The following XKR6 variants were observed in gnomAD, a reference collection of about 807,000 sequenced individuals.
XKR6 encodes XK-related protein 6.
XKR6 carries 22 observed loss-of-function variants against 56.7 expected under a neutral mutation model. The observed-to-expected ratio is 0.39, with a 90% confidence interval of 0.28 to 0.55. XKR6 has a LOEUF of 0.55. XKR6 is among the 20% of genes least tolerant of loss of function. XKR6 has a pLI of 0.66. For missense variants in XKR6, 852 were observed against 889.0 expected (o/e 0.96, Z 0.53); for synonymous variants, 524 against 387.8 (o/e 1.35, Z -4.13).
At chr8:11,166,129 G>C (rs888148605) in intron 1 of XKR6, among the ~76,000 whole-genome samples, 1 of 151,864 alleles carries the variant, frequency 6.6e-6, no homozygotes, top group East Asian at 1.9e-4. Flanking sequence ...GCTAATTTTT[G>C]TATTTTTTGC....
At chr8:11,055,916 T>C (rs1014483272) in intron 1 of XKR6, among the ~76,000 whole-genome samples, 3 of 152,140 alleles carry the variant, frequency 2.0e-5, no homozygotes, top group Non-Finnish European at 2.9e-5. Context: ...CCCCGCTCCA[T>C]ACACTTTGTG....
intron 1 of XKR6, among the ~76,000 whole-genome samples, chr8:11,000,079 T>C (rs184157479): frequency 6.6e-6 from 1 of 152,140 alleles, no homozygotes; most frequent in African/African-American, 2.4e-5. Context: ...AACACACTCA[T>C]GTTAAAGACA....
chr8:10,898,253 G>C lies in XKR6; in HGVS notation c.1625C>G (p.Thr542Arg). Reference protein sequence around the residue: ...EIPGYRGTQVTPTRAVTEQQE... With the variant: ...EIPGYRGTQVRPTRAVTEQQE... ...TTGTTCCGTTACGGCTCTGGTGGGC[G>C]TAACCTGGGTCCCCCGGTACCCAGG... is the stretch of plus-strand genomic sequence containing the variant. Residue 542 changes from threonine to arginine, a missense_variant, in exon 3 of 3, where the codon ACG becomes AGG. Transcript: ENST00000416569. The surrounding 1 kb of genome is among the most constrained non-coding windows in gnomAD (Gnocchi z 6.6). 2 of 1,614,138 alleles carry C rather than the reference G, an allele frequency of 1.2e-6. No homozygotes were observed. The highest frequency in any genetic ancestry group is 8.5e-7 in the Non-Finnish European group (1 of 1,180,012).
intron 1 of XKR6, chr8:11,137,631 G>T (rs980092399): frequency 1.1e-5 from 5 of 456,130 alleles, no homozygotes; most frequent in Middle Eastern, 3.2e-4. Flanking sequence ...AGGAGACAAT[G>T]AATGGAAACA....
At chr8:11,090,211 C>T (rs1467039948) in intron 1 of XKR6, among the ~76,000 whole-genome samples, 4 of 152,166 alleles carry the variant, frequency 2.6e-5, no homozygotes, top group Admixed American at 6.5e-5. Context: ...CGGCCTCTCA[C>T]GTAGCTGAGA....
intron 1 of XKR6, among the ~76,000 whole-genome samples, chr8:11,113,172 G>T (rs1004082483): frequency 6.6e-5 from 10 of 152,134 alleles, no homozygotes; most frequent in African/African-American, 2.4e-4. Flanking sequence ...TATTAATGCT[G>T]TTACATGTAG....
In XKR6 at chr8:11,000,212, A is replaced by T. The variant is rs181987734; in HGVS notation, c.765-75382T>A. ...TCCTTCTACTCATTCTAGGTGGTGA[A>T]CCTAGAAGCTCCTTCAAAGCTAGAA... is the stretch of plus-strand genomic sequence containing the variant. On this transcript the variant is annotated intron_variant, in intron 1 of 2. Transcript: ENST00000416569. Among the ~76,000 whole-genome samples, 257 of 152,278 alleles carry T rather than the reference A, an allele frequency of 1.7e-3. 2 individuals are homozygous for T. The highest frequency in any genetic ancestry group is 3.4e-4 in the Non-Finnish European group (23 of 68,014).
chr8:10,971,407 C>G (rs912031402), intron 1 of XKR6, among the ~76,000 whole-genome samples: 1 of 151,728 alleles, frequency 6.6e-6, no homozygotes, highest in African/African-American at 2.4e-5. Context: ...GGTGACAGAG[C>G]GAGACTCCAT....
intron 2 of XKR6, among the ~76,000 whole-genome samples, chr8:10,903,435 G>A (rs1443280696): frequency 6.6e-6 from 1 of 152,150 alleles, no homozygotes; most frequent in African/African-American, 2.4e-5. Context: ...GGAGAACTTG[G>A]CAGGATTCAC....
chr8:11,020,169 T>C (rs985187470), intron 1 of XKR6, among the ~76,000 whole-genome samples: 15 of 151,386 alleles, frequency 9.9e-5, no homozygotes, highest in Admixed American at 2.6e-4. Context: ...AGGGCAGGCA[T>C]AGGATGAGGG....
intron 1 of XKR6, among the ~76,000 whole-genome samples, chr8:11,153,213 G>T (rs1247196066): frequency 6.6e-6 from 1 of 152,156 alleles, no homozygotes; most frequent in Non-Finnish European, 1.5e-5. Context: ...CAATCTTAAT[G>T]GTTCCTTCAG....
chr8:10,906,705 A>T (rs545837593), intron 2 of XKR6, among the ~76,000 whole-genome samples: 5 of 152,280 alleles, frequency 3.3e-5, no homozygotes, highest in Non-Finnish European at 7.3e-5. Context: ...GAGTCACTTT[A>T]ATGCATCTCT....
intron 1 of XKR6, among the ~76,000 whole-genome samples, chr8:10,947,421 C>T (rs1170669119): frequency 6.6e-6 from 1 of 152,100 alleles, no homozygotes; most frequent in Non-Finnish European, 1.5e-5. Context: ...TGAGGAAGCA[C>T]AGATGGCAAA....
At chr8:10,904,652 C>T (rs558369807) in intron 2 of XKR6, among the ~76,000 whole-genome samples, 3 of 152,170 alleles carry the variant, frequency 2.0e-5, no homozygotes, top group African/African-American at 4.8e-5. Flanking sequence ...CCGGGATGGG[C>T]CAGGGTGGAG....
intron 1 of XKR6, among the ~76,000 whole-genome samples, chr8:10,990,312 T>C (rs1249194012): frequency 6.6e-6 from 1 of 152,156 alleles, no homozygotes; most frequent in Non-Finnish European, 1.5e-5. Flanking sequence ...AGGTGGGAAG[T>C]TGGGGCTGGG....
At chr8:11,132,205 A>C (rs1800137756) in intron 1 of XKR6, among the ~76,000 whole-genome samples, 1 of 152,132 alleles carries the variant, frequency 6.6e-6, no homozygotes, top group Non-Finnish European at 1.5e-5. Flanking sequence ...TCAAGTAATC[A>C]GTTGTCTTTG....
chr8:11,033,394 ATGACGATAG>A (rs1799050653), intron 1 of XKR6, among the ~76,000 whole-genome samples: 10 of 150,674 alleles, frequency 6.6e-5, no homozygotes, highest in African/African-American at 2.5e-4. Flanking sequence ...GATGATGATG[ATGACGATAG>A]TGATGGTGAT....
intron 2 of XKR6, among the ~76,000 whole-genome samples, chr8:10,900,328 C>T (rs761398169): frequency 5.3e-5 from 8 of 152,172 alleles, no homozygotes; most frequent in Non-Finnish European, 1.2e-4. Context: ...GGGACCTGCC[C>T]AACTCCCCAC....
At chr8:11,058,794 G>T (rs1413501506) in intron 1 of XKR6, among the ~76,000 whole-genome samples, 6 of 152,160 alleles carry the variant, frequency 3.9e-5, no homozygotes, top group Non-Finnish European at 8.8e-5. Flanking sequence ...CACGGCACAT[G>T]TATACCTATG....
Sources: gnomAD v4.1 joint callset for allele counts (sites outside exome capture counted in the v4.1 genomes callset) on GRCh38, gnomAD v4.1.1 for gene constraint, Gnocchi (gnomAD v3.1) non-coding constraint, MANE v1.5 for transcripts, NCBI Gene and HGNC (gene_info 2026-07-23, HGNC 2026-07-21) for gene names.